The following FCGR2A variants were observed in gnomAD, a reference collection of about 807,000 sequenced individuals.
FCGR2A encodes Fc gamma receptor IIa.
Under a neutral mutation model 29.3 loss-of-function variants are expected in FCGR2A, and 18 were observed. The observed-to-expected ratio is 0.62, with a 90% CI of 0.43 to 0.91. FCGR2A has a LOEUF of 0.91. Ranked by LOEUF, FCGR2A falls within the 40% of genes least tolerant of loss-of-function variation. The pLI, the probability that FCGR2A is intolerant of heterozygous loss-of-function variation, is 0.00. For synonymous variants in FCGR2A, 126 were observed against 144.8 expected, an observed-to-expected ratio of 0.87 and a Z score of 0.93; for missense variants, 287 against 393.0, an observed-to-expected ratio of 0.73 and a Z score of 2.28.
At chr1:161,511,623 G>C (rs558632613) in intron 5 of FCGR2A, among the ~76,000 whole-genome samples, 38 of 152,320 alleles carry the variant, frequency 2.5e-4, no homozygotes, top group African/African-American at 8.4e-4. Flanking sequence ...CCCCTGAGCA[G>C]GGGAACTGGG....
At chr1:161,522,427 C>G (rs925794795), downstream of FCGR2A, among the ~76,000 whole-genome samples, 5 of 152,036 alleles carry the variant, frequency 3.3e-5, no homozygotes, top group African/African-American at 1.2e-4. Flanking sequence ...ATGCCTGTAA[C>G]TCTTGGAGAT....
chr1:161,522,519 G>C (rs899861582), downstream of FCGR2A, among the ~76,000 whole-genome samples: 113 of 152,118 alleles, frequency 7.4e-4, no homozygotes, highest in Non-Finnish European at 1.3e-3. Context: ...CCCTTAACAC[G>C]CCGGGGCACA....
intron 3 of FCGR2A, among the ~76,000 whole-genome samples, chr1:161,509,432 C>T (rs1675620145): frequency 6.6e-6 from 1 of 151,980 alleles, no homozygotes; most frequent in Admixed American, 6.5e-5. Context: ...GGCTGCCCAC[C>T]CTCACTTCCC....
chr1:161,516,121 A>G (rs1676130946), intron 6 of FCGR2A, among the ~76,000 whole-genome samples: 1 of 152,064 alleles, frequency 6.6e-6, no homozygotes, highest in South Asian at 2.1e-4. Flanking sequence ...CTGCTATACA[A>G]TTTGTCAAAA....
rs751042136 is a variant in FCGR2A at position 161,506,008 on chromosome 1, G to T, written c.106+1G>T. 2.0e-5 allele frequency: 33 copies of T among 1,613,772 alleles called. 1 individual carries two copies. The African/African-American group carries it at 3.1e-4, about 15-fold the overall frequency. On this transcript the variant is annotated splice_donor_variant, in intron 2 of 6. Coordinates refer to ENST00000271450, the MANE Select transcript of FCGR2A (RefSeq NM_001136219.3). LOFTEE classifies it high-confidence loss of function. ...ACAGCTTCTGCAGACAGTCAAGCTG[G>T]TGAGTATGCCCTTTGCTTCCTTGTA... is the stretch of plus-strand genomic sequence containing the variant.
At chr1:161,521,501 T>TTA (rs11414193), downstream of FCGR2A, among the ~76,000 whole-genome samples, 42,449 of 150,726 alleles carry the variant, frequency 0.28, 6,417 homozygotes, top group Middle Eastern at 0.43. Flanking sequence ...TCACTGACTT[T>TTA]TATATATATA....
chr1:161,507,991 C>A (rs1004132466), intron 3 of FCGR2A, among the ~76,000 whole-genome samples: 1 of 143,086 alleles, frequency 7.0e-6, no homozygotes, highest in African/African-American at 2.6e-5. Flanking sequence ...GAGACTGAGG[C>A]AGGAGAATTG....
At position 161,510,836 on chromosome 1, in the gene FCGR2A, C is replaced by T. The variant is rs200868024; in HGVS notation, c.622C>T (p.Pro208Ser). 3 of 1,614,146 alleles carry T rather than the reference C, an allele frequency of 1.9e-6. No individual in the cohort carries two copies. Among genetic ancestry groups the T allele is most frequent in the Admixed American group, 1.7e-5 (1 of 60,026 alleles). Residue 208 changes from proline (P) to serine (S), a missense_variant and splice_region_variant, in exon 5 of 7, where the codon CCC becomes TCC. Coordinates refer to ENST00000271450, the MANE Select transcript of FCGR2A (RefSeq NM_001136219.3). The part of the protein sequence containing the change: ...SKPVTITVQV[P>S]SMGSSSPMGI... ...GCCCTAATGTCTGTCTTCCCTAGTG[C>T]CCAGCATGGGCAGCTCTTCACCAAT...
At chr1:161,524,031 T>C (rs1488676916), downstream of FCGR2A, 1 of 157,074 alleles carries the variant, frequency 6.4e-6, no homozygotes, top group Non-Finnish European at 1.4e-5. Flanking sequence ...TTGTTCAAGA[T>C]AAAACTGTTT....
At position 161,506,405 on chromosome 1, in the gene FCGR2A, C is replaced by T. The variant is rs1324040585; in HGVS notation, c.178C>T (p.Leu60=). 1 of 1,614,234 alleles carries T rather than the reference C, an allele frequency of 6.2e-7. No individual in the cohort carries two copies. The highest frequency in any genetic ancestry group is 1.7e-5 in the Admixed American group (1 of 60,030). The part of the protein sequence containing the change: ...INVLQEDSVT[L]TCQGARSPES... The stretch of plus-strand genomic sequence containing the variant: ...CGTGCTCCAGGAGGACTCTGTGACT[C>T]TGACATGCCAGGGGGCTCGCAGCCC... Residue 60 remains leucine (L), a synonymous_variant, in exon 3 of 7, where the codon CTG becomes TTG. Transcript: ENST00000271450.
Position 161,519,497 on chromosome 1 carries a change from A to G in FCGR2A, c.*1349A>G, listed in dbSNP as rs1676359089. ...AAAGTGATTGTTTCAAGGTGATGCA[A>G]TTATTGATGACCTATTTTATTTTTC... is the stretch of plus-strand genomic sequence containing the variant. On this transcript the variant is annotated 3_prime_UTR_variant, in exon 7 of 7. Coordinates refer to ENST00000271450, the MANE Select transcript of FCGR2A (RefSeq NM_001136219.3). The G allele has an allele frequency of 6.6e-6, 1 of 152,260 alleles. No homozygotes were observed. The highest frequency in any genetic ancestry group is 1.5e-5 in the Non-Finnish European group (1 of 68,040). The allele number at this position is 152,260 out of a possible 1,614,324, so 9.4% of individuals were successfully genotyped here. A position where few individuals can be genotyped will look rare whatever the true frequency, so the allele number is the denominator to read the frequency against.
At chr1:161,520,695 C>T (rs1676420147), downstream of FCGR2A, among the ~76,000 whole-genome samples, 2 of 151,706 alleles carry the variant, frequency 1.3e-5, no homozygotes, top group Admixed American at 6.6e-5. Context: ...AGCCTCCTGA[C>T]TGGCCTCCCT....
rs760212992 is a variant in FCGR2A, at chr1:161,506,478, C to T, written c.251C>T (p.Thr84Ile). The T allele has an allele frequency of 3.7e-6, 6 of 1,614,092 alleles. No homozygotes were observed. The South Asian group carries it at 5.5e-5, about 15-fold the overall frequency. Residue 84 changes from threonine (T) to isoleucine (I), a missense_variant, in exon 3 of 7, where the codon ACC (threonine) becomes ATC (isoleucine). Physicochemically the swap from Thr to Ile is moderately conservative, Grantham distance 89. This residue lies in a region of FCGR2A where 181 missense variants were observed against 250.9 expected (regional missense o/e 0.72). Transcript: ENST00000271450. ...TTCCACAATGGGAATCTCATTCCCA[C>T]CCACACGCAGCCCAGCTACAGGTTC... ...QWFHNGNLIP[T>I]HTQPSYRFKA...
Position 161,511,589 on chromosome 1 carries a change from T to C in FCGR2A, c.742+633T>C, listed in dbSNP as rs536183566. Among the ~76,000 whole-genome samples, 163 of 152,284 alleles carry C rather than the reference T, an allele frequency of 1.1e-3. 2 individuals are homozygous for C. The highest frequency in any genetic ancestry group is 3.4e-3 in the Middle Eastern group (1 of 294). On this transcript the variant is annotated intron_variant, in intron 5 of 6. Transcript: ENST00000271450. Reference sequence around the variant, plus strand: ...GGTGAGCTGAATTCTGCCTCTGGACTAGCCCTTTTCCAGGTGGGAGCAGCC... The same window carrying C: ...GGTGAGCTGAATTCTGCCTCTGGACCAGCCCTTTTCCAGGTGGGAGCAGCC...
intron 1 of FCGR2A, 169 bp from the exon 2 acceptor site, chr1:161,505,818 G>T: frequency 1.3e-6 from 1 of 744,292 alleles, no homozygotes. Context: ...GAGATAAAGG[G>T]GACATATGAA....
rs148868087 is a variant in FCGR2A, at chr1:161,506,437, C to T, written c.210C>T (p.Ser70=). ...LTCQGARSPE[S]DSIQWFHNGN... is the part of the protein sequence containing the mutation. ...GCCAGGGGGCTCGCAGCCCTGAGAG[C>T]GACTCCATTCAGTGGTTCCACAATG... is the stretch of plus-strand genomic sequence containing the variant. The change falls in exon 3 of 7, where the codon AGC becomes AGT. Residue 70 remains serine, a synonymous_variant. Transcript: ENST00000271450. The T allele has an allele frequency of 2.5e-3, 4,025 of 1,614,198 alleles. 3 individuals carry two copies. Among genetic ancestry groups the T allele is most frequent in the Non-Finnish European group, 3.1e-3 (3,689 of 1,180,026 alleles).
chr1:161,515,685 A>T (rs1676107571), intron 6 of FCGR2A, among the ~76,000 whole-genome samples: 1 of 152,112 alleles, frequency 6.6e-6, no homozygotes, highest in Non-Finnish European at 1.5e-5. Context: ...AAATCTTAAT[A>T]GTCCTCTCCA....
At chr1:161,517,529 G>T (rs1295388418) in intron 6 of FCGR2A, among the ~76,000 whole-genome samples, 4 of 152,182 alleles carry the variant, frequency 2.6e-5, no homozygotes, top group Non-Finnish European at 5.9e-5. Context: ...TAACTGGTTG[G>T]TTAACATCAG....
At chr1:161,506,817 C>A in intron 3 of FCGR2A, 1 of 902,230 alleles carries the variant, frequency 1.1e-6, no homozygotes, top group Non-Finnish European at 1.6e-6. Flanking sequence ...GTTGTTTTTG[C>A]CTCAGTCTTG....
Sources: allele counts gnomAD v4.1 joint callset (sites outside exome capture counted in the v4.1 genomes callset), GRCh38; gene constraint gnomAD v4.1.1; regional missense constraint gnomAD v4.1.1; transcripts MANE v1.5; gene names NCBI Gene and HGNC (gene_info 2026-07-23, HGNC 2026-07-21).